Variants in STK32B observed in about 807,000 individuals in gnomAD.
STK32B encodes serine/threonine-protein kinase 32B.
STK32B carries 43 observed loss-of-function variants against 52.6 expected under a neutral mutation model. The observed-to-expected ratio is 0.82, with a 90% CI of 0.64 to 1.05. The LOEUF is 1.05. Ranked by LOEUF, STK32B falls within the 50% of genes least tolerant of loss-of-function variation. The pLI is 0.00. For synonymous variants in STK32B, 238 were observed against 204.3 expected, an observed-to-expected ratio of 1.17 and a Z score of -1.41; for missense variants, 621 against 534.6, an observed-to-expected ratio of 1.16 and a Z score of -1.59.
rs913079731 is a variant in STK32B at position 5,386,624 on chromosome 4, A to G, written c.435-11583A>G. On this transcript the variant is annotated intron_variant, in intron 4 of 11. Coordinates refer to ENST00000282908, the MANE Select transcript of STK32B (RefSeq NM_018401.3). This position sits in a 1 kb window ranked among gnomAD's most constrained non-coding sequence, Gnocchi z 4.5. ...TAAAATACCTTTCCCAATGACCCAG[A>G]TAAAATCCACACTGTCAAGTTTACA... 2.0e-5 allele frequency among the ~76,000 whole-genome samples: 3 copies of G among 152,248 alleles called. No individual in the cohort carries two copies. Among genetic ancestry groups the G allele is most frequent in the African/African-American group, 7.2e-5 (3 of 41,456 alleles).
chr4:5,058,696 C>T lies in STK32B; in HGVS notation c.52+6781C>T, dbSNP rs1420878126. On this transcript the variant is annotated intron_variant, in intron 1 of 11. Transcript: ENST00000282908. The surrounding 1 kb of genome is among the most constrained non-coding windows in gnomAD (Gnocchi z 4.8). The stretch of plus-strand genomic sequence containing the variant: ...TCCTGTGTCAGCCTACAAAGTAGAC[C>T]ATAGGAACACACCACCATGCCCTGC... Among the ~76,000 whole-genome samples the T allele has an allele frequency of 6.6e-6, 1 of 152,006 alleles. No individual in the cohort carries two copies. The highest frequency in any genetic ancestry group is 6.6e-5 in the Admixed American group (1 of 15,262).
At chr4:5,104,253 A>G (rs1713979794) in intron 1 of STK32B, among the ~76,000 whole-genome samples, 1 of 152,150 alleles carries the variant, frequency 6.6e-6, no homozygotes. Context: ...TGATGGTTTT[A>G]TGAAGGAGAG....
chr4:5,192,753 C>CTT (rs10671286), intron 3 of STK32B, among the ~76,000 whole-genome samples: 123,689 of 151,368 alleles, frequency 0.82, 50,643 homozygotes, highest in East Asian at 0.91. Flanking sequence ...GTTCTACTCT[C>CTT]GGCAAATTTC....
chr4:5,233,095 T>A (rs1190449656), intron 3 of STK32B, among the ~76,000 whole-genome samples: 3 of 152,300 alleles, frequency 2.0e-5, no homozygotes, highest in African/African-American at 7.2e-5. Flanking sequence ...TTACCTAATA[T>A]GATGCATCAG....
chr4:5,078,791 C>T (rs758029811), intron 1 of STK32B, among the ~76,000 whole-genome samples: 64 of 152,234 alleles, frequency 4.2e-4, no homozygotes, highest in Non-Finnish European at 7.6e-4. Context: ...ACCCCCTCCA[C>T]CCTCTATTAC....
intron 3 of STK32B, among the ~76,000 whole-genome samples, chr4:5,172,976 T>A (rs1376577862): frequency 6.6e-6 from 1 of 152,222 alleles, no homozygotes; most frequent in South Asian, 2.1e-4. Flanking sequence ...AATTATTGCC[T>A]CAATTTCAGA....
At chr4:5,451,739 C>T (rs183597531) in intron 7 of STK32B, among the ~76,000 whole-genome samples, 2 of 152,272 alleles carry the variant, frequency 1.3e-5, no homozygotes, top group East Asian at 3.9e-4. Context: ...GCCAGCAGAA[C>T]TCCCCACCCA....
chr4:5,201,785 C>T (rs1313649724), intron 3 of STK32B, among the ~76,000 whole-genome samples: 1 of 152,132 alleles, frequency 6.6e-6, no homozygotes, highest in African/African-American at 2.4e-5. Flanking sequence ...TAAGAACTCA[C>T]TCACTGTCTC....
chr4:5,444,592 G>A (rs71597773), intron 6 of STK32B, among the ~76,000 whole-genome samples: 15,400 of 152,200 alleles, frequency 0.1, 1,097 homozygotes, highest in East Asian at 0.28. Context: ...GCTGTTGACC[G>A]GAGCTGTTCC....
At chr4:5,267,874 G>A (rs1303232925) in intron 3 of STK32B, among the ~76,000 whole-genome samples, 3 of 152,200 alleles carry the variant, frequency 2.0e-5, no homozygotes. Context: ...CATCTCTGGA[G>A]GCTGCCCAGA....
intron 4 of STK32B, among the ~76,000 whole-genome samples, chr4:5,336,093 G>T (rs537338781): frequency 2.0e-5 from 3 of 149,060 alleles, no homozygotes; most frequent in Non-Finnish European, 4.4e-5. Context: ...GCCTGCCTGG[G>T]TTGGGATACT....
intron 3 of STK32B, among the ~76,000 whole-genome samples, chr4:5,216,591 G>A (rs1406226914): frequency 6.6e-6 from 1 of 152,168 alleles, no homozygotes; most frequent in Non-Finnish European, 1.5e-5. Context: ...AGAGAAAGAA[G>A]CTCTAATGAG....
intron 11 of STK32B, among the ~76,000 whole-genome samples, chr4:5,492,310 G>A (rs1288770256): frequency 6.6e-6 from 1 of 152,162 alleles, no homozygotes; most frequent in African/African-American, 2.4e-5. Flanking sequence ...TTGTAAGTTG[G>A]ATTCCTAGGT....
chr4:5,083,852 T>C (rs1314199908), intron 1 of STK32B, among the ~76,000 whole-genome samples: 5 of 152,122 alleles, frequency 3.3e-5, no homozygotes, highest in Non-Finnish European at 7.3e-5. Context: ...TTGTGCTGCG[T>C]TGGCCTCCCA....
At position 5,467,890 on chromosome 4, in the gene STK32B, G is replaced by T. The variant is rs906887365; in HGVS notation, c.1042-116G>T. On this transcript the variant is annotated intron_variant, in intron 10 of 11. Transcript: ENST00000282908. This position sits in a 1 kb window ranked among gnomAD's most constrained non-coding sequence, Gnocchi z 5.8. ...CCAGACACTTAGCTTGGCTTGTCCC[G>T]GTCCCAAGCATCTGAGGTTTCCATC... 69 of 1,173,400 alleles carry T rather than the reference G, an allele frequency of 5.9e-5. No individual in the cohort carries two copies. The African/African-American group carries it at 9.3e-4, about 16-fold the overall frequency. The allele number at this position is 1,173,400 out of a possible 1,614,324, so 72.7% of individuals were successfully genotyped here. A position where few individuals can be genotyped will look rare whatever the true frequency, so the allele number is the denominator to read the frequency against.
chr4:5,398,088 A>G lies in STK32B; in HGVS notation c.435-119A>G, dbSNP rs1737036532. On this transcript the variant is annotated intron_variant, in intron 4 of 11. Coordinates refer to ENST00000282908, the MANE Select transcript of STK32B (RefSeq NM_018401.3). This position sits in a 1 kb window ranked among gnomAD's most constrained non-coding sequence, Gnocchi z 4.9. ...TCTCCCACTCCATGTCTGAGGCTTC[A>G]GGTCAGGGAGAGGTGAGCAGCCTGG... 3.1e-6 allele frequency: 3 copies of G among 982,956 alleles called. No homozygotes were observed. Among genetic ancestry groups the G allele is most frequent in the East Asian group, 2.5e-5 (1 of 40,618 alleles). The allele number at this position is 982,956 out of a possible 1,614,324, so 60.9% of individuals were successfully genotyped here.
chr4:5,280,803 G>C (rs149250778), intron 3 of STK32B, among the ~76,000 whole-genome samples: 2 of 152,094 alleles, frequency 1.3e-5, no homozygotes, highest in African/African-American at 2.4e-5. Context: ...GGAGACTGAG[G>C]CAGGAGAATC....
intron 11 of STK32B, among the ~76,000 whole-genome samples, chr4:5,484,442 T>C (rs529240975): frequency 1.3e-3 from 195 of 152,316 alleles, no homozygotes; most frequent in African/African-American, 4.3e-3. Flanking sequence ...ATTTGCTTGG[T>C]AGATCTTCCT....
chr4:5,377,099 G>C (rs760165457), intron 4 of STK32B, among the ~76,000 whole-genome samples: 22 of 152,180 alleles, frequency 1.4e-4, no homozygotes, highest in Non-Finnish European at 2.6e-4. Flanking sequence ...CCTGAGGACT[G>C]CAGTGCTCTA....
Sources: gnomAD v4.1 joint callset for allele counts (sites outside exome capture counted in the v4.1 genomes callset) on GRCh38, gnomAD v4.1.1 for gene constraint, Gnocchi (gnomAD v3.1) non-coding constraint, MANE v1.5 for transcripts, NCBI Gene and HGNC (gene_info 2026-07-23, HGNC 2026-07-21) for gene names.